The following NXPE2 variants were observed in gnomAD, a reference collection of about 807,000 sequenced individuals.
The protein encoded by NXPE2 is NXPE family member 2.
A neutral mutation model predicts 34.4 loss-of-function variants in NXPE2; 34 were observed. That is an observed-to-expected ratio of 0.99 (90% CI 0.75 to 1.31). The LOEUF is 1.31. Ranked by LOEUF, NXPE2 falls within the 40% of genes most tolerant of loss-of-function variation. The pLI is 0.00. For missense variants in NXPE2, 649 were observed against 672.5 expected (o/e 0.97, Z 0.39); for synonymous variants, 235 against 231.3 (o/e 1.02, Z -0.15).
the NXPE2 span, among the ~76,000 whole-genome samples, chr11:114,812,150 A>T: frequency 6.6e-6 from 1 of 152,316 alleles, no homozygotes; most frequent in South Asian, 2.1e-4. Flanking sequence ...CTCCTGCCCC[A>T]GGCCAAGATT....
the NXPE2 span, among the ~76,000 whole-genome samples, chr11:114,617,673 C>T: frequency 6.6e-6 from 1 of 151,800 alleles, no homozygotes; most frequent in South Asian, 2.1e-4. Context: ...ACCACTGTTA[C>T]CCGGTGGATA....
chr11:114,582,769 G>A, the NXPE2 span: 2 of 1,614,054 alleles, frequency 1.2e-6, no homozygotes, highest in Admixed American at 3.3e-5. Context: ...AGGATGTGCA[G>A]CTGGTCTCCC....
the NXPE2 span, among the ~76,000 whole-genome samples, chr11:114,590,129 G>A: frequency 6.6e-6 from 1 of 152,182 alleles, no homozygotes; most frequent in Non-Finnish European, 1.5e-5. Context: ...GACAGGCATT[G>A]TCAAAGGACC....
At chr11:114,635,893 C>G in the NXPE2 span, among the ~76,000 whole-genome samples, 1 of 152,028 alleles carries the variant, frequency 6.6e-6, no homozygotes. Flanking sequence ...ATTTTTGCAT[C>G]AATGTTCATC....
At chr11:114,667,690 C>T in the NXPE2 span, among the ~76,000 whole-genome samples, 1 of 152,054 alleles carries the variant, frequency 6.6e-6, no homozygotes, top group East Asian at 1.9e-4. Flanking sequence ...AGAACTGAGA[C>T]CTTGCTAACA....
At chr11:114,614,933 C>T in the NXPE2 span, among the ~76,000 whole-genome samples, 1 of 151,714 alleles carries the variant, frequency 6.6e-6, no homozygotes, top group Non-Finnish European at 1.5e-5. Flanking sequence ...ATGAGTATTG[C>T]CTCTTGGGTT....
rs1357672156 is a variant in NXPE2, at chr11:114,704,053, G to GTC, written c.928+2_928+3insCT. On this transcript the variant is annotated splice_donor_variant, in intron 4 of 5. Transcript: ENST00000389586. LOFTEE classifies it high-confidence loss of function. The stretch of plus-strand genomic sequence containing the variant: ...CCCATTGAGGTCATACCATGCAACA[G>GTC]TAAGTCTGGAGTGTTGTTGTCTGCC... 4 of 1,548,376 alleles carry GTC rather than the reference G, an allele frequency of 2.6e-6. No homozygotes were observed. Among genetic ancestry groups the GTC allele is most frequent in the Non-Finnish European group, 2.6e-6 (3 of 1,143,664 alleles).
chr11:114,689,836 A>G (rs1430314874), intron 2 of NXPE2, among the ~76,000 whole-genome samples: 1 of 152,088 alleles, frequency 6.6e-6, no homozygotes, highest in African/African-American at 2.4e-5. Flanking sequence ...AACCTTTATC[A>G]TTATGTCATG....
the NXPE2 span, chr11:114,554,153 G>A: frequency 1.0e-6 from 1 of 985,396 alleles, no homozygotes; most frequent in Non-Finnish European, 1.2e-6. Flanking sequence ...TTGAATCAAT[G>A]TACAGAGCCC....
the NXPE2 span, among the ~76,000 whole-genome samples, chr11:114,638,127 A>T: frequency 1.3e-5 from 2 of 150,402 alleles, no homozygotes; most frequent in African/African-American, 4.9e-5. Flanking sequence ...TGGTCTTGTC[A>T]CATAGTCCCA....
At chr11:114,501,067 C>A in the NXPE2 span, among the ~76,000 whole-genome samples, 1 of 152,198 alleles carries the variant, frequency 6.6e-6, no homozygotes, top group African/African-American at 2.4e-5. Context: ...ACTTATGACA[C>A]AGAAAACCAT....
At chr11:114,719,559 C>T in the NXPE2 span, among the ~76,000 whole-genome samples, 1 of 152,172 alleles carries the variant, frequency 6.6e-6, no homozygotes, top group African/African-American at 2.4e-5. Context: ...CAGAGGTGAC[C>T]ATTAGATCCA....
the NXPE2 span, among the ~76,000 whole-genome samples, chr11:114,590,507 CA>C: frequency 1.3e-5 from 2 of 152,122 alleles, no homozygotes; most frequent in Non-Finnish European, 2.9e-5. Context: ...AAAAGAAACT[CA>C]AGTGGATAAA....
At chr11:114,581,744 A>G in the NXPE2 span, 1 of 1,611,752 alleles carries the variant, frequency 6.2e-7, no homozygotes, top group Middle Eastern at 1.7e-4. Context: ...TGGAGACACT[A>G]ATTGTATTGA....
At chr11:114,637,046 T>C in the NXPE2 span, among the ~76,000 whole-genome samples, 1 of 152,074 alleles carries the variant, frequency 6.6e-6, no homozygotes, top group Non-Finnish European at 1.5e-5. Flanking sequence ...TTGATCTGTC[T>C]AATGTTGACA....
chr11:114,534,463 G>A, the NXPE2 span, among the ~76,000 whole-genome samples: 5 of 152,162 alleles, frequency 3.3e-5, no homozygotes, highest in Non-Finnish European at 5.9e-5. Context: ...GAGAGAGGAA[G>A]GCTTCAGAAG....
chr11:114,698,654 A>T lies in NXPE2; in HGVS notation c.742A>T (p.Arg248Ter). 1 of 1,614,224 alleles carries T rather than the reference A, an allele frequency of 6.2e-7. No homozygotes were observed. Among genetic ancestry groups the T allele is most frequent in the Non-Finnish European group, 8.5e-7 (1 of 1,180,022 alleles). The change falls in exon 3 of 6, where the codon AGA becomes TGA. Residue 248 changes from arginine (R) to a stop codon, truncating the protein, a stop_gained. Transcript: ENST00000389586. LOFTEE classifies it high-confidence loss of function. Reference protein sequence around the residue: ...NAELCQYMDDRDQEAFYCVRP... With the variant: ...NAELCQYMDD Reference sequence around the variant, plus strand: ...TGAACTGTGCCAGTACATGGATGACAGAGACCAAGAAGCCTTCTACTGTGT... The same window carrying T: ...TGAACTGTGCCAGTACATGGATGACTGAGACCAAGAAGCCTTCTACTGTGT...
chr11:114,616,691 C>T, the NXPE2 span, among the ~76,000 whole-genome samples: 2 of 151,592 alleles, frequency 1.3e-5, no homozygotes, highest in Non-Finnish European at 2.9e-5. Context: ...CGTGTTGCCT[C>T]GTCTGAAACC....
the NXPE2 span, among the ~76,000 whole-genome samples, chr11:114,588,374 A>C: frequency 2.6e-5 from 4 of 152,182 alleles, no homozygotes; most frequent in African/African-American, 9.7e-5. Context: ...GATGACCCTG[A>C]TAAGTATATA....
Sources: gnomAD v4.1 joint callset for allele counts (sites outside exome capture counted in the v4.1 genomes callset) on GRCh38, gnomAD v4.1.1 for gene constraint, MANE v1.5 for transcripts, NCBI Gene and HGNC (gene_info 2026-07-23, HGNC 2026-07-21) for gene names.